IMMP2L: variants seen among roughly 807,000 people sequenced by gnomAD.
IMMP2L encodes mitochondrial inner membrane protease subunit 2.
A neutral mutation model predicts 19.3 loss-of-function variants in IMMP2L; 18 were observed. The observed-to-expected ratio is 0.93, with a 90% CI of 0.64 to 1.38. The LOEUF is 1.38. Ranked by LOEUF, IMMP2L falls within the 40% of genes most tolerant of loss-of-function variation. IMMP2L has a pLI of 0.00. For synonymous variants in IMMP2L, 76 were observed against 73.0 expected, an observed-to-expected ratio of 1.04 and a Z score of -0.21; for missense variants, 233 against 218.2, an observed-to-expected ratio of 1.07 and a Z score of -0.43.
intron 5 of IMMP2L, among the ~76,000 whole-genome samples, chr7:110,775,249 CTGTGTGTGTGTG>C (rs56387151): frequency 0.25 from 36,559 of 146,676 alleles, 4,779 homozygotes; most frequent in African/African-American, 0.35. Context: ...CTTAAGTCAG[CTGTGTGTGTGTG>C]TGTGTGTGTG....
intron 5 of IMMP2L, among the ~76,000 whole-genome samples, chr7:110,840,521 A>G (rs1434881659): frequency 6.6e-6 from 1 of 152,164 alleles, no homozygotes; most frequent in Non-Finnish European, 1.5e-5. Flanking sequence ...TAAAATTGAG[A>G]AGGTGATAGT....
chr7:111,523,912 A>G (rs942920264), intron 1 of IMMP2L, among the ~76,000 whole-genome samples: 8 of 152,104 alleles, frequency 5.3e-5, no homozygotes, highest in African/African-American at 1.7e-4. Context: ...AGTGAAACTA[A>G]TTTCTCTTCA....
intron 5 of IMMP2L, among the ~76,000 whole-genome samples, chr7:110,733,307 T>C (rs1796396165): frequency 6.6e-6 from 1 of 152,164 alleles, no homozygotes; most frequent in Non-Finnish European, 1.5e-5. Flanking sequence ...CATGTAGAAT[T>C]TATGCAGTAA....
intron 3 of IMMP2L, among the ~76,000 whole-genome samples, chr7:110,989,652 A>T (rs1426097463): frequency 6.6e-6 from 1 of 150,792 alleles, no homozygotes; most frequent in Non-Finnish European, 1.5e-5. Context: ...TGTACTTATA[A>T]TAAAATATTT....
chr7:110,773,023 G>A (rs1321719050), intron 5 of IMMP2L, among the ~76,000 whole-genome samples: 1 of 151,488 alleles, frequency 6.6e-6, no homozygotes, highest in Non-Finnish European at 1.5e-5. Flanking sequence ...TTTTTAAAAA[G>A]CAATTTAACT....
intron 3 of IMMP2L, among the ~76,000 whole-genome samples, chr7:110,999,543 T>A (rs1187232367): frequency 6.6e-6 from 1 of 151,790 alleles, no homozygotes. Flanking sequence ...TTTATCATAG[T>A]TTTCCTAATT....
At chr7:110,977,822 C>A (rs1449413113) in intron 3 of IMMP2L, among the ~76,000 whole-genome samples, 1 of 151,928 alleles carries the variant, frequency 6.6e-6, no homozygotes, top group Non-Finnish European at 1.5e-5. Context: ...ATAGATTAAG[C>A]CACTTTTAGG....
intron 5 of IMMP2L, among the ~76,000 whole-genome samples, chr7:110,854,692 A>T (rs571112794): frequency 6.6e-6 from 1 of 152,134 alleles, no homozygotes; most frequent in Non-Finnish European, 1.5e-5. Flanking sequence ...ATACTCTGAA[A>T]ATAAATACAT....
chr7:111,460,254 T>A (rs774743179), intron 3 of IMMP2L, among the ~76,000 whole-genome samples: 6 of 152,166 alleles, frequency 3.9e-5, no homozygotes, highest in South Asian at 2.1e-4. Flanking sequence ...TTGAGTTTTT[T>A]AAGAAATTTT....
At chr7:110,884,722 G>A (rs1334081025) in intron 5 of IMMP2L, among the ~76,000 whole-genome samples, 1 of 151,980 alleles carries the variant, frequency 6.6e-6, no homozygotes, top group Non-Finnish European at 1.5e-5. Context: ...CTTCTATACT[G>A]TAAGTGACCT....
intron 3 of IMMP2L, among the ~76,000 whole-genome samples, chr7:111,093,539 C>G (rs1034590465): frequency 3.3e-5 from 5 of 152,168 alleles, no homozygotes; most frequent in Non-Finnish European, 4.4e-5. Flanking sequence ...GCCAGACACA[C>G]ATTCTTAAAT....
intron 5 of IMMP2L, among the ~76,000 whole-genome samples, chr7:110,722,697 C>G (rs148478304): frequency 6.6e-6 from 1 of 152,130 alleles, no homozygotes; most frequent in East Asian, 1.9e-4. Context: ...ATCCTTGAAA[C>G]ATAACATATA....
At chr7:111,089,950 G>A (rs1039395271) in intron 3 of IMMP2L, among the ~76,000 whole-genome samples, 1 of 151,622 alleles carries the variant, frequency 6.6e-6, no homozygotes, top group African/African-American at 2.4e-5. Context: ...TAGATGTGAA[G>A]GTTTTGTTTT....
chr7:111,266,927 G>A (rs1817898969), intron 3 of IMMP2L, among the ~76,000 whole-genome samples: 1 of 152,172 alleles, frequency 6.6e-6, no homozygotes, highest in Admixed American at 6.6e-5. Flanking sequence ...GCCTCATTCA[G>A]ATGAAGAAAG....
chr7:110,762,303 G>C (rs1207110766), intron 5 of IMMP2L, among the ~76,000 whole-genome samples: 1 of 151,686 alleles, frequency 6.6e-6, no homozygotes, highest in African/African-American at 2.4e-5. Context: ...TAAAATACTT[G>C]AATTATAACT....
intron 3 of IMMP2L, among the ~76,000 whole-genome samples, chr7:111,176,761 A>G (rs980287398): frequency 6.6e-6 from 1 of 152,022 alleles, no homozygotes; most frequent in African/African-American, 2.4e-5. Flanking sequence ...TTTCAAAATA[A>G]CTAAAAGAGT....
rs948203394 is a variant in IMMP2L at position 110,757,700 on chromosome 7, T to C, written c.409-93979A>G. 6.6e-6 allele frequency among the ~76,000 whole-genome samples: 1 copy of C among 152,146 alleles called. No homozygotes were observed. Among genetic ancestry groups the C allele is most frequent in the Non-Finnish European group, 1.5e-5 (1 of 68,008 alleles). On this transcript the variant is annotated intron_variant, in intron 5 of 5. Coordinates refer to ENST00000405709, the MANE Select transcript of IMMP2L (RefSeq NM_032549.4). The surrounding 1 kb of genome is among the most constrained non-coding windows in gnomAD (Gnocchi z 4.2). ...TGCTTTATCAGGCCTGGGATATGCA[T>C]ATCCTTCCTAGACTCCCTCTGCTCC...
chr7:111,280,244 C>T (rs1819541055), intron 3 of IMMP2L, among the ~76,000 whole-genome samples: 2 of 152,240 alleles, frequency 1.3e-5, no homozygotes, highest in Admixed American at 1.3e-4. Flanking sequence ...TTCCCTATTC[C>T]CGGGACGTCA....
intron 5 of IMMP2L, among the ~76,000 whole-genome samples, chr7:110,882,665 G>A (rs1245496387): frequency 6.6e-6 from 1 of 151,986 alleles, no homozygotes; most frequent in Non-Finnish European, 1.5e-5. Flanking sequence ...ACAGCCATGA[G>A]CCACCATGCC....
Sources: gnomAD v4.1 joint callset for allele counts (sites outside exome capture counted in the v4.1 genomes callset) on GRCh38, gnomAD v4.1.1 for gene constraint, Gnocchi (gnomAD v3.1) non-coding constraint, MANE v1.5 for transcripts, NCBI Gene and HGNC (gene_info 2026-07-23, HGNC 2026-07-21) for gene names.